The following SUPT16H variants were observed in gnomAD, a reference collection of about 807,000 sequenced individuals.
SUPT16H encodes the protein FACT complex subunit SPT16.
In SUPT16H, 24 loss-of-function variants were observed where a neutral mutation model predicts 136.2. That is an observed-to-expected ratio of 0.18 (90% CI 0.13 to 0.25). The LOEUF is 0.25. SUPT16H is among the 10% of genes least tolerant of loss of function. The probability of loss-of-function intolerance (pLI) is 1.00; values close to 1 mark genes in which losing one functional copy is unlikely to be tolerated. For missense variants in SUPT16H, 623 were observed against 1,270.2 expected (o/e 0.49, Z 7.74); for synonymous variants, 415 against 428.2 (o/e 0.97, Z 0.38).
chr14:21,380,091 C>A (rs80072947), intron 1 of SUPT16H, among the ~76,000 whole-genome samples: 2 of 152,028 alleles, frequency 1.3e-5, no homozygotes, highest in East Asian at 3.9e-4. Flanking sequence ...ATGTCATTAC[C>A]CCCTAAAAAA....
chr14:21,378,553 A>G (rs1177336902), intron 1 of SUPT16H, among the ~76,000 whole-genome samples: 1 of 152,224 alleles, frequency 6.6e-6, no homozygotes. Flanking sequence ...GGGTTTACTT[A>G]AAATTCTTTC....
rs199520224 is a variant in SUPT16H, at chr14:21,383,877, C to T, written c.51G>A (p.Leu17=). The T allele has an allele frequency of 2.7e-5, 44 of 1,613,820 alleles. No homozygotes were observed. In the African/African-American group the frequency reaches 4.7e-4, roughly 17 times the overall value. The part of the protein sequence containing the change: ...KDAYYRRVKR[L]YSNWRKGEDE... ...TCTTCCTCACCCGCCAATTGCTGTA[C>T]AGTCTCTTCACTCGCCGATAATAAG... The change falls in exon 1 of 26, where the codon CTG becomes CTA. Residue 17 remains leucine (L), a synonymous_variant. Transcript: ENST00000216297.
intron 1 of SUPT16H, among the ~76,000 whole-genome samples, chr14:21,374,925 AATGT>A (rs112507780): frequency 9.2e-5 from 14 of 152,286 alleles, no homozygotes; most frequent in African/African-American, 3.1e-4. Context: ...CATTCCTAAG[AATGT>A]ATCAAGGTTC....
chr14:21,357,098 TTAAGTA>T (rs1886451381), intron 22 of SUPT16H, 93 bp downstream of exon 22: 13 of 1,244,218 alleles, frequency 1.0e-5, no homozygotes, highest in Non-Finnish European at 1.4e-5. Flanking sequence ...CAGTCTCACT[TTAAGTA>T]TATCAGTAGA....
At chr14:21,353,348 G>C (rs957292492) in intron 25 of SUPT16H, 140 bp downstream of exon 25, 5 of 774,580 alleles carry the variant, frequency 6.5e-6, no homozygotes, top group African/African-American at 1.7e-5. Context: ...CAATGAAGTT[G>C]TATCTGTGGC....
chr14:21,364,134 T>C (rs534463474), intron 10 of SUPT16H, among the ~76,000 whole-genome samples: 1 of 152,340 alleles, frequency 6.6e-6, no homozygotes, highest in East Asian at 1.9e-4. Flanking sequence ...TAAGAGTATC[T>C]ACTTCACAAG....
intron 22 of SUPT16H, 111 bp downstream of exon 22, chr14:21,357,086 G>A: frequency 8.8e-7 from 1 of 1,130,352 alleles, no homozygotes. Flanking sequence ...ACAACCAAAA[G>A]GCAGTCTCAC....
At chr14:21,363,795 C>T (rs1399201818) in intron 10 of SUPT16H, among the ~76,000 whole-genome samples, 3 of 152,176 alleles carry the variant, frequency 2.0e-5, no homozygotes, top group African/African-American at 7.2e-5. Flanking sequence ...TCTCCTGCCT[C>T]AGCCTCCCGA....
At chr14:21,367,199 G>A (rs1047075320) in intron 7 of SUPT16H, among the ~76,000 whole-genome samples, 18 of 152,280 alleles carry the variant, frequency 1.2e-4, no homozygotes, top group African/African-American at 3.9e-4. Flanking sequence ...CCAGAGTGCC[G>A]GGATCACAGG....
chr14:21,364,758 C>T, intron 10 of SUPT16H, 69 bp downstream of exon 10: 3 of 1,394,186 alleles, frequency 2.2e-6, no homozygotes, highest in Non-Finnish European at 3.0e-6. Flanking sequence ...AAGAAAAAAA[C>T]CACAGGGTCC....
intron 1 of SUPT16H, among the ~76,000 whole-genome samples, chr14:21,380,462 C>A (rs937871092): frequency 6.6e-6 from 1 of 151,952 alleles, no homozygotes; most frequent in Non-Finnish European, 1.5e-5. Context: ...AGCCACAGAA[C>A]ATAGCTGTTG....
Position 21,365,159 on chromosome 14 carries a change from T to TAAAAAG in SUPT16H, c.1047-17_1047-16insCTTTTT. The TAAAAAG allele has an allele frequency of 6.2e-7, 1 of 1,610,780 alleles. No individual in the cohort carries two copies. Among genetic ancestry groups the TAAAAAG allele is most frequent in the Non-Finnish European group, 8.5e-7 (1 of 1,177,628 alleles). On this transcript the variant is annotated splice_polypyrimidine_tract_variant and intron_variant, in intron 8 of 25. Transcript: ENST00000216297. Reference sequence around the variant, plus strand: ...CATCCCAAACCTGAAAAGAAACAGATAAACATCAGCAAAAGGCTAAAGATC... The same window carrying TAAAAAG: ...CATCCCAAACCTGAAAAGAAACAGATAAAAAGAAACATCAGCAAAAGGCTAAAGATC...
At chr14:21,362,417 T>G (rs1443597133) in intron 14 of SUPT16H, 93 bp from the exon 15 acceptor site, 26 of 1,272,968 alleles carry the variant, frequency 2.0e-5, no homozygotes, top group Non-Finnish European at 2.7e-5. Context: ...AGTTACAAAT[T>G]GACCGCTCTT....
At chr14:21,373,600 C>T (rs532364164) in intron 1 of SUPT16H, among the ~76,000 whole-genome samples, 170 bp from the exon 2 acceptor site, 1 of 152,252 alleles carries the variant, frequency 6.6e-6, no homozygotes, top group Non-Finnish European at 1.5e-5. Flanking sequence ...TTTTACAGTA[C>T]TTGCTAATTG....
chr14:21,369,912 C>T lies in SUPT16H; in HGVS notation c.484-16G>A. 1.9e-6 allele frequency: 3 copies of T among 1,611,610 alleles called. No individual in the cohort carries two copies. The highest frequency in any genetic ancestry group is 2.2e-5 in the East Asian group (1 of 44,818). On this transcript the variant is annotated splice_polypyrimidine_tract_variant and intron_variant, in intron 4 of 25. Coordinates refer to ENST00000216297, the MANE Select transcript of SUPT16H (RefSeq NM_007192.4). ...TGATATCTATCTGCAGTCAAAGTGA[C>T]AAGAGTTTCTAACATGCAAGTACAG...
At chr14:21,369,528 G>C (rs1886742832) in intron 5 of SUPT16H, 173 bp from the exon 6 acceptor site, 1 of 958,976 alleles carries the variant, frequency 1.0e-6, no homozygotes, top group Admixed American at 2.8e-5. Context: ...CAATATGTAG[G>C]ACTTACAGCT....
intron 22 of SUPT16H, 57 bp from the exon 23 acceptor site, chr14:21,354,597 T>G (rs1197565466): frequency 6.3e-7 from 1 of 1,589,126 alleles, no homozygotes; most frequent in Non-Finnish European, 8.6e-7. Flanking sequence ...CATATATTCT[T>G]TCTTCTTTTT....
chr14:21,358,293 A>G (rs1030338715), intron 20 of SUPT16H, 22 bp downstream of exon 20: 1 of 1,497,630 alleles, frequency 6.7e-7, no homozygotes, highest in African/African-American at 1.4e-5. Flanking sequence ...TCAAACTTCA[A>G]GCCAAAAATA....
rs776698585 is a variant in SUPT16H, at chr14:21,358,443, A to G, written c.2302-16T>C. On this transcript the variant is annotated splice_polypyrimidine_tract_variant and intron_variant, in intron 19 of 25. Transcript: ENST00000216297. ...CTCGTTCCATCTGTAGAAGAAAAAA[A>G]TATCAAATACAGCCATCACATTTGT... 2.6e-6 allele frequency: 4 copies of G among 1,563,784 alleles called. No individual in the cohort carries two copies. Among genetic ancestry groups the G allele is most frequent in the South Asian group, 2.2e-5 (2 of 89,044 alleles).
Sources: allele counts gnomAD v4.1 joint callset (sites outside exome capture counted in the v4.1 genomes callset), GRCh38; gene constraint gnomAD v4.1.1; transcripts MANE v1.5; gene names NCBI Gene and HGNC (gene_info 2026-07-23, HGNC 2026-07-21).